Variants in KLHL7 observed in about 807,000 individuals in gnomAD.
KLHL7 encodes kelch-like protein 7.
In KLHL7, 44 loss-of-function variants were observed where a neutral mutation model predicts 67.4. The observed-to-expected ratio is 0.65, with a 90% CI of 0.51 to 0.84. KLHL7 has a LOEUF of 0.84. Ranked by LOEUF, KLHL7 falls within the 40% of genes least tolerant of loss-of-function variation. The pLI is 0.00. For synonymous variants in KLHL7, 252 were observed against 243.3 expected (o/e 1.04, Z -0.33); for missense variants, 362 against 718.1 (o/e 0.50, Z 5.67).
chr7:23,132,513 T>C (rs6953020), intron 4 of KLHL7, among the ~76,000 whole-genome samples: 73,104 of 152,110 alleles, frequency 0.48, 20,853 homozygotes, highest in African/African-American at 0.81. Flanking sequence ...GATTTTTTTC[T>C]TATAGAGCTC....
At chr7:23,128,749 T>C (rs1438052593) in intron 4 of KLHL7, among the ~76,000 whole-genome samples, 1 of 152,158 alleles carries the variant, frequency 6.6e-6, no homozygotes, top group Non-Finnish European at 1.5e-5. Context: ...TCACTCCCCA[T>C]TCTTCCTCTG....
chr7:23,173,774 CAT>C (rs1562595987), intron 10 of KLHL7, among the ~76,000 whole-genome samples: 1 of 151,990 alleles, frequency 6.6e-6, no homozygotes, highest in Non-Finnish European at 1.5e-5. Context: ...ATAGATAAAA[CAT>C]GTTTAATTTT....
At chr7:23,129,494 C>G (rs1783714912) in intron 4 of KLHL7, 1 of 281,602 alleles carries the variant, frequency 3.6e-6, no homozygotes, top group Non-Finnish European at 7.0e-6. Flanking sequence ...ATCAGATAGA[C>G]ACAATGATTA....
At chr7:23,173,152 A>T in intron 10 of KLHL7, 107 bp downstream of exon 10, 1 of 740,046 alleles carries the variant, frequency 1.4e-6, no homozygotes. Flanking sequence ...TACCATGTAT[A>T]TTATTATATC....
intron 4 of KLHL7, chr7:23,129,662 C>T (rs1562563827): frequency 1.2e-5 from 2 of 168,600 alleles, no homozygotes; most frequent in Non-Finnish European, 2.5e-5. Context: ...GAATAATAGA[C>T]CAGAGACACA....
intron 9 of KLHL7, among the ~76,000 whole-genome samples, chr7:23,170,000 A>G (rs1327690204): frequency 6.6e-6 from 1 of 152,216 alleles, no homozygotes; most frequent in Non-Finnish European, 1.5e-5. Flanking sequence ...GTCTAAGGTC[A>G]GGAGTTCGAG....
Position 23,174,577 on chromosome 7 carries a change from G to C in KLHL7, c.*279G>C, listed in dbSNP as rs1163726975. 2 of 549,652 alleles carry C rather than the reference G, an allele frequency of 3.6e-6. No individual in the cohort carries two copies. The highest frequency in any genetic ancestry group is 3.1e-5 in the South Asian group (2 of 65,410). The allele number at this position is 549,652 out of a possible 1,614,324, so 34.0% of individuals were successfully genotyped here. On this transcript the variant is annotated 3_prime_UTR_variant, in exon 11 of 11. Transcript: ENST00000339077. The stretch of plus-strand genomic sequence containing the variant: ...AATTTCTTGAATGAATTTCACATTT[G>C]TAACTATGATTTTGGCAGAATAGAA...
intron 1 of KLHL7, among the ~76,000 whole-genome samples, chr7:23,114,811 C>G (rs888566182): frequency 5.3e-5 from 8 of 152,312 alleles, no homozygotes; most frequent in African/African-American, 1.9e-4. Context: ...TCAAATTTTT[C>G]TAAGCCAAGG....
chr7:23,161,317 C>T (rs1784848745), intron 7 of KLHL7, among the ~76,000 whole-genome samples: 1 of 152,124 alleles, frequency 6.6e-6, no homozygotes, highest in South Asian at 2.1e-4. Flanking sequence ...GAGATATTTT[C>T]ACATCAGTGA....
At chr7:23,113,283 C>T (rs938972902) in intron 1 of KLHL7, among the ~76,000 whole-genome samples, 2 of 152,114 alleles carry the variant, frequency 1.3e-5, no homozygotes, top group African/African-American at 4.8e-5. Context: ...TATGAACTTA[C>T]GTTGAATATT....
chr7:23,147,094 C>CTTTTTTTTTTTTTT lies in KLHL7; in HGVS notation c.793+3074_793+3087dup, dbSNP rs397889904. Among the ~76,000 whole-genome samples, 5 of 118,580 alleles carry CTTTTTTTTTTTTTT rather than the reference C, an allele frequency of 4.2e-5. 1 individual carries two copies. The highest frequency in any genetic ancestry group is 6.2e-5 in the African/African-American group (2 of 32,504). The allele number at this position is 118,580 out of a possible 152,430, so 77.8% of individuals were successfully genotyped here. On this transcript the variant is annotated intron_variant, in intron 6 of 10. Transcript: ENST00000339077. ...TCTATGTATTACTTATTAACCTGGACTTTTTTTTTTTTTTTTTTAGACAGT... is the reference window on the plus strand; with the variant it reads ...TCTATGTATTACTTATTAACCTGGACTTTTTTTTTTTTTTTTTTTTTTTTTTTTTTTTAGACAGT...
chr7:23,118,005 A>AAT, intron 1 of KLHL7: 1 of 1,611,888 alleles, frequency 6.2e-7, no homozygotes, highest in Non-Finnish European at 8.5e-7. Flanking sequence ...TATAACAAAG[A>AAT]ATAGAACGTG....
intron 7 of KLHL7, among the ~76,000 whole-genome samples, chr7:23,164,831 G>A (rs1784953021): frequency 6.6e-6 from 1 of 152,194 alleles, no homozygotes; most frequent in African/African-American, 2.4e-5. Flanking sequence ...ATCACACATA[G>A]TGCTTTCCTT....
At chr7:23,137,203 TGA>T (rs1297232905) in intron 4 of KLHL7, among the ~76,000 whole-genome samples, 2 of 152,202 alleles carry the variant, frequency 1.3e-5, no homozygotes, top group African/African-American at 4.8e-5. Context: ...GGGAATCACT[TGA>T]ACTCCAGAGG....
At chr7:23,134,405 G>C (rs1264102730) in intron 4 of KLHL7, among the ~76,000 whole-genome samples, 1 of 152,046 alleles carries the variant, frequency 6.6e-6, no homozygotes. Flanking sequence ...ATTGGTGCCT[G>C]TAGTTTTCTT....
At chr7:23,133,803 T>C (rs926253207) in intron 4 of KLHL7, among the ~76,000 whole-genome samples, 25 of 152,244 alleles carry the variant, frequency 1.6e-4, no homozygotes, top group Non-Finnish European at 3.1e-4. Flanking sequence ...ATGTTGATTC[T>C]GTATCCTGCA....
intron 5 of KLHL7, among the ~76,000 whole-genome samples, chr7:23,143,109 A>G (rs1317077593): frequency 6.6e-6 from 1 of 152,194 alleles, no homozygotes; most frequent in Non-Finnish European, 1.5e-5. Context: ...AAGAGATCAG[A>G]AGTTAGGCCT....
intron 1 of KLHL7, among the ~76,000 whole-genome samples, chr7:23,111,820 CA>C (rs895981894): frequency 0.025 from 583 of 23,222 alleles, 1 homozygote; most frequent in Non-Finnish European, 0.031. Context: ...GACTCCGTCT[CA>C]AAAAAAAAAA....
At chr7:23,137,987 C>T (rs1784041269) in intron 4 of KLHL7, among the ~76,000 whole-genome samples, 3 of 151,028 alleles carry the variant, frequency 2.0e-5, no homozygotes, top group African/African-American at 7.3e-5. Context: ...ACCAGCCTGG[C>T]CAACATGGTA....
Sources: gnomAD v4.1 joint callset for allele counts (sites outside exome capture counted in the v4.1 genomes callset) on GRCh38, gnomAD v4.1.1 for gene constraint, MANE v1.5 for transcripts, NCBI Gene and HGNC (gene_info 2026-07-23, HGNC 2026-07-21) for gene names.